CEP43: variants seen among roughly 807,000 people sequenced by gnomAD.
The protein encoded by CEP43 is centrosomal protein 43, also known as FGFR1 oncogene partner.
In CEP43, 36 loss-of-function variants were observed where a neutral mutation model predicts 52.6. The ratio of observed to expected loss-of-function variants is 0.68; its 90% CI spans 0.52 to 0.90. The LOEUF (loss-of-function observed/expected upper bound fraction) is 0.90, where lower values mean the gene tolerates loss of function less well. Ranked by LOEUF, CEP43 falls within the 40% of genes least tolerant of loss-of-function variation. CEP43 has a pLI of 0.00. For missense variants in CEP43, 506 were observed against 472.8 expected, an observed-to-expected ratio of 1.07 and a Z score of -0.65; for synonymous variants, 192 against 172.4, an observed-to-expected ratio of 1.11 and a Z score of -0.89.
At chr6:167,012,423 C>A (rs1780007007) in intron 6 of CEP43, among the ~76,000 whole-genome samples, 1 of 151,860 alleles carries the variant, frequency 6.6e-6, no homozygotes, top group African/African-American at 2.4e-5. Context: ...AGAGTAAGGT[C>A]ATGAGTAAAT....
At chr6:167,032,154 A>C (rs897635192) in intron 10 of CEP43, among the ~76,000 whole-genome samples, 7 of 152,044 alleles carry the variant, frequency 4.6e-5, no homozygotes, top group Non-Finnish European at 7.4e-5. Context: ...GCTCTGTCTG[A>C]CTGAAGGTGC....
At chr6:167,004,053 C>A in intron 4 of CEP43, 1 of 597,372 alleles carries the variant, frequency 1.7e-6, no homozygotes, top group Non-Finnish European at 2.8e-6. Context: ...AATTTTGATA[C>A]GATGTTAGAG....
chr6:167,011,349 C>G (rs75901448), intron 6 of CEP43, among the ~76,000 whole-genome samples: 3,089 of 152,124 alleles, frequency 0.02, 51 homozygotes, highest in East Asian at 0.092. Flanking sequence ...TGTTTTGATA[C>G]AATTTCTAAG....
rs1465096103 is a variant in CEP43, at chr6:167,047,461, C to T, written c.*7483C>T. ...TGTAAAGGGGATTAAATACTTCCTT[C>T]CCTTACAGGGCTGCCCTGGTCTTAA... is the stretch of plus-strand genomic sequence containing the variant. On this transcript the variant is annotated 3_prime_UTR_variant, in exon 13 of 13. Transcript: ENST00000366847. The T allele has an allele frequency of 6.6e-6, 1 of 152,174 alleles. No individual in the cohort carries two copies. The highest frequency in any genetic ancestry group is 1.5e-5 in the Non-Finnish European group (1 of 68,030). 9.4% of individuals were successfully genotyped at this position (152,174 alleles called of 1,614,324 possible). A position where few individuals can be genotyped will look rare whatever the true frequency, so the allele number is the denominator to read the frequency against.
Position 167,026,592 on chromosome 6 carries a change from A to C in CEP43, c.965A>C (p.Asp322Ala). ...TTGAAAGATCTGAAATTGATCAGTG[A>C]TAAAATTGGATCACTTGGATTAGGT... ...TVLKDLKLISDKIGSLGLGTG... is the reference protein window; with the variant it reads ...TVLKDLKLISAKIGSLGLGTG... Residue 322 changes from aspartate to alanine, a missense_variant, in exon 10 of 13, where the codon GAT (aspartate) becomes GCT (alanine). Asp to Ala is a moderately radical substitution (Grantham distance 126, BLOSUM62 -2). Transcript: ENST00000366847. The C allele has an allele frequency of 1.9e-6, 3 of 1,596,290 alleles. No homozygotes were observed. The highest frequency in any genetic ancestry group is 2.6e-6 in the Non-Finnish European group (3 of 1,163,760).
At chr6:167,022,259 A>AACACACACACACACACACAC (rs35327997) in intron 7 of CEP43, 150 bp from the exon 8 acceptor site, 14 of 544,678 alleles carry the variant, frequency 2.6e-5, no homozygotes, top group African/African-American at 2.0e-4. Flanking sequence ...GAGCTGCCCC[A>AACACACACACACACACACAC]ACACACACAC....
In CEP43 at chr6:167,012,811, A is replaced by G. The variant is rs1415628984; in HGVS notation, c.520-697A>G. The stretch of plus-strand genomic sequence containing the variant: ...GGGGACTGTCCTGAGGCTGCTTTAG[A>G]GAATAGCGTTTGTCCTAACAGCTGT... On this transcript the variant is annotated intron_variant, in intron 6 of 12. Transcript: ENST00000366847. 4.6e-5 allele frequency among the ~76,000 whole-genome samples: 7 copies of G among 152,184 alleles called. No individual in the cohort carries two copies. The South Asian group carries it at 1.4e-3, about 31-fold the overall frequency.
chr6:167,018,665 C>T (rs162286), intron 7 of CEP43, among the ~76,000 whole-genome samples: 3,197 of 152,274 alleles, frequency 0.021, 105 homozygotes, highest in African/African-American at 0.073. Flanking sequence ...GCTGGGATTA[C>T]AGGTGTGAGC....
intron 10 of CEP43, among the ~76,000 whole-genome samples, chr6:167,029,661 TTATAGC>T (rs1562531827): frequency 1.3e-5 from 2 of 152,238 alleles, no homozygotes; most frequent in Non-Finnish European, 2.9e-5. Context: ...ATCTGATGTG[TTATAGC>T]ACATTATTCA....
chr6:167,015,319 C>G (rs543740676), intron 7 of CEP43, among the ~76,000 whole-genome samples: 2 of 152,266 alleles, frequency 1.3e-5, no homozygotes, highest in South Asian at 2.1e-4. Flanking sequence ...TGTATTGTAC[C>G]CCATGTGGCC....
At chr6:167,038,495 A>G (rs1260931301) in intron 12 of CEP43, among the ~76,000 whole-genome samples, 3 of 152,262 alleles carry the variant, frequency 2.0e-5, no homozygotes, top group African/African-American at 4.8e-5. Flanking sequence ...AGAGTTAGCA[A>G]TTCATAGAGT....
intron 12 of CEP43, among the ~76,000 whole-genome samples, chr6:167,034,323 G>A (rs558446609): frequency 1.1e-4 from 16 of 152,298 alleles, no homozygotes; most frequent in Middle Eastern, 3.4e-3. Flanking sequence ...GATCACAGGA[G>A]GAAGCTGAGC....
At position 167,050,671 on chromosome 6, in the gene CEP43, CT is replaced by C. The variant is rs1562539508; in HGVS notation, c.*10695del. ...GCGTGCCCGCCTATAGTCCCATCTA[CT>C]TGGGAGGCTGAGGCAGGGGAATTGC... On this transcript the variant is annotated 3_prime_UTR_variant, in exon 13 of 13. Transcript: ENST00000366847. The C allele has an allele frequency of 6.7e-6, 1 of 150,348 alleles. No individual in the cohort carries two copies. The highest frequency in any genetic ancestry group is 1.5e-5 in the Non-Finnish European group (1 of 67,936). 9.3% of individuals were successfully genotyped at this position (150,348 alleles called of 1,614,324 possible). A position where few individuals can be genotyped will look rare whatever the true frequency, so the allele number is the denominator to read the frequency against.
rs903655617 is a variant in CEP43, at chr6:167,040,866, A to G, written c.*888A>G. Reference sequence around the variant, plus strand: ...GCCTAAGACCATGTTCAGTTTGACAAGCTTTATATACTGTACATAATTTCA... The same window carrying G: ...GCCTAAGACCATGTTCAGTTTGACAGGCTTTATATACTGTACATAATTTCA... On this transcript the variant is annotated 3_prime_UTR_variant, in exon 13 of 13. Transcript: ENST00000366847. 2 of 1,024,858 alleles carry G rather than the reference A, an allele frequency of 2.0e-6. No homozygotes were observed. The highest frequency in any genetic ancestry group is 2.3e-6 in the Non-Finnish European group (2 of 853,304). 63.5% of individuals were successfully genotyped at this position (1,024,858 alleles called of 1,614,324 possible). A position where few individuals can be genotyped will look rare whatever the true frequency, so the allele number is the denominator to read the frequency against.
rs1780814663 is a variant in CEP43 at position 167,047,487 on chromosome 6, G to A, written c.*7509G>A. 1 of 152,138 alleles carries A rather than the reference G, an allele frequency of 6.6e-6. No individual in the cohort carries two copies. The highest frequency in any genetic ancestry group is 2.1e-4 in the South Asian group (1 of 4,828). The allele number at this position is 152,138 out of a possible 1,614,324, so 9.4% of individuals were successfully genotyped here. A position where few individuals can be genotyped will look rare whatever the true frequency, so the allele number is the denominator to read the frequency against. ...CCTTACAGGGCTGCCCTGGTCTTAA[G>A]TAATGCCCACAGAGAGCTTAGCATT... On this transcript the variant is annotated 3_prime_UTR_variant, in exon 13 of 13. Transcript: ENST00000366847.
chr6:167,032,932 A>G (rs187245293), intron 11 of CEP43, among the ~76,000 whole-genome samples: 1 of 152,248 alleles, frequency 6.6e-6, no homozygotes, highest in African/African-American at 2.4e-5. Flanking sequence ...GAAGCAGTTC[A>G]GTTGCCGTGT....
At chr6:167,026,112 A>G (rs1298144117) in intron 9 of CEP43, among the ~76,000 whole-genome samples, 2 of 152,144 alleles carry the variant, frequency 1.3e-5, no homozygotes, top group Admixed American at 6.5e-5. Context: ...CGCCTGTAAT[A>G]CCAGCACTTT....
chr6:167,004,418 G>A lies in CEP43; in HGVS notation c.438+17G>A. On this transcript the variant is annotated intron_variant, in intron 5 of 12. Transcript: ENST00000366847. ...ACTGGGGAAGTAAGTAGAATTCTGTGTTATCTTTTTCTATTTTAATTATTG... is the reference window on the plus strand; with the variant it reads ...ACTGGGGAAGTAAGTAGAATTCTGTATTATCTTTTTCTATTTTAATTATTG... 6.4e-7 allele frequency: 1 copy of A among 1,563,754 alleles called. No individual in the cohort carries two copies. The highest frequency in any genetic ancestry group is 8.6e-7 in the Non-Finnish European group (1 of 1,158,144).
At chr6:167,024,943 A>T (rs1780321890) in intron 9 of CEP43, 49 bp downstream of exon 9, 1 of 995,656 alleles carries the variant, frequency 1.0e-6, no homozygotes, top group South Asian at 1.4e-5. Flanking sequence ...TTTTTTCTCT[A>T]ATTAAATACT....
Sources: allele counts gnomAD v4.1 joint callset (sites outside exome capture counted in the v4.1 genomes callset), GRCh38; gene constraint gnomAD v4.1.1; transcripts MANE v1.5; gene names NCBI Gene and HGNC (gene_info 2026-07-23, HGNC 2026-07-21).